Variants in TUBGCP4 observed in about 807,000 individuals in gnomAD.
TUBGCP4 encodes tubulin gamma complex component 4.
Under a neutral mutation model 91.6 loss-of-function variants are expected in TUBGCP4, and 54 were observed. The observed-to-expected ratio is 0.59, with a 90% CI of 0.47 to 0.74. The LOEUF is 0.74. Ranked by LOEUF, TUBGCP4 falls within the 30% of genes least tolerant of loss-of-function variation. The probability of loss-of-function intolerance (pLI) is 0.00; values close to 1 mark genes in which losing one functional copy is unlikely to be tolerated. For synonymous variants in TUBGCP4, 297 were observed against 302.8 expected (o/e 0.98, Z 0.20); for missense variants, 593 against 800.9 (o/e 0.74, Z 3.13).
chr15:43,389,996 G>A (rs1009799585), intron 9 of TUBGCP4, among the ~76,000 whole-genome samples: 1 of 152,016 alleles, frequency 6.6e-6, no homozygotes, highest in Admixed American at 6.6e-5. Context: ...CCACCCCCAT[G>A]ATTCAATCAC....
Position 43,383,384 on chromosome 15 carries a change from A to T in TUBGCP4, c.603A>T (p.Glu201Asp), listed in dbSNP as rs1324538298. 9 of 1,614,092 alleles carry T rather than the reference A, an allele frequency of 5.6e-6. No individual in the cohort carries two copies. Among genetic ancestry groups the T allele is most frequent in the Non-Finnish European group, 7.6e-6 (9 of 1,180,042 alleles). Residue 201 changes from glutamate to aspartate, a missense_variant, in exon 7 of 18, where the codon GAA becomes GAT. Physicochemically the swap from Glu to Asp is conservative, Grantham distance 45. Coordinates refer to ENST00000564079, the MANE Select transcript of TUBGCP4 (RefSeq NM_014444.5). ...MLHGLLLDQH[E>D]EFFIKQGPSS... ...ATGGACTCCTCTTGGACCAGCATGAAGAATTCTTTATCAAACAGGGGCCAT... is the reference window on the plus strand; with the variant it reads ...ATGGACTCCTCTTGGACCAGCATGATGAATTCTTTATCAAACAGGGGCCAT...
At chr15:43,375,604 A>G (rs910784346) in intron 1 of TUBGCP4, among the ~76,000 whole-genome samples, 1 of 152,236 alleles carries the variant, frequency 6.6e-6, no homozygotes, top group Non-Finnish European at 1.5e-5. Flanking sequence ...GCATTTACAG[A>G]TAATAGGTAT....
At chr15:43,395,036 T>C (rs370118131) in intron 9 of TUBGCP4, 71 bp from the exon 10 acceptor site, 2 of 1,533,418 alleles carry the variant, frequency 1.3e-6, no homozygotes, top group East Asian at 2.2e-5. Context: ...GCTGGATTTG[T>C]ATGGAACCAT....
In TUBGCP4 at chr15:43,386,725, CAAA is replaced by C. The variant is rs10718458; in HGVS notation, c.1014+417_1014+419del. ...GGGCAACAGAGCAAGACTCTGTCTC[CAAA>C]AAAAAAAAAAAAAAAAAAAAAGACA... On this transcript the variant is annotated intron_variant, in intron 9 of 17. Transcript: ENST00000564079. Among the ~76,000 whole-genome samples the C allele has an allele frequency of 2.1e-3, 142 of 67,022 alleles. 1 individual carries two copies. The highest frequency in any genetic ancestry group is 7.1e-3 in the African/African-American group (126 of 17,690). The allele number at this position is 67,022 out of a possible 152,430, so 44.0% of individuals were successfully genotyped here.
At chr15:43,398,442 T>C (rs1595497258) in intron 13 of TUBGCP4, 1 of 297,514 alleles carries the variant, frequency 3.4e-6, no homozygotes, top group Non-Finnish European at 6.2e-6. Context: ...TTTAACAATC[T>C]GTAAATCAAA....
rs774924452 is a variant in TUBGCP4 at position 43,405,246 on chromosome 15, C to T, written c.*32C>T. 3 of 1,613,012 alleles carry T rather than the reference C, an allele frequency of 1.9e-6. No homozygotes were observed. In the Admixed American group the frequency reaches 5.0e-5, roughly 27 times the overall value. On this transcript the variant is annotated 3_prime_UTR_variant, in exon 18 of 18. Transcript: ENST00000564079. Reference sequence around the variant, plus strand: ...CTGGCTCATAAATTGAAATAACAGCCACGTTCCCAAGGTTGTAACAGAAGA... The same window carrying T: ...CTGGCTCATAAATTGAAATAACAGCTACGTTCCCAAGGTTGTAACAGAAGA...
rs1049512009 is a variant in TUBGCP4, at chr15:43,405,872, TCTACTAAAA to T, written c.*659_*667del. On this transcript the variant is annotated 3_prime_UTR_variant, in exon 18 of 18. Coordinates refer to ENST00000564079, the MANE Select transcript of TUBGCP4 (RefSeq NM_014444.5). ...CTGACCAACATGATGAAACCTCGAT[TCTACTAAAA>T]ATACAAAAATTAGCCAGGTGTGGTG... 20 of 151,938 alleles carry T rather than the reference TCTACTAAAA, an allele frequency of 1.3e-4. No individual in the cohort carries two copies. Among genetic ancestry groups the T allele is most frequent in the Admixed American group, 9.8e-4 (15 of 15,236 alleles). 9.4% of individuals were successfully genotyped at this position (151,938 alleles called of 1,614,324 possible). A position where few individuals can be genotyped will look rare whatever the true frequency, so the allele number is the denominator to read the frequency against.
intron 1 of TUBGCP4, 41 bp downstream of exon 1, chr15:43,371,473 A>AG (rs1392589423): frequency 6.2e-7 from 1 of 1,604,450 alleles, no homozygotes; most frequent in African/African-American, 1.3e-5. Context: ...GGAGCGCAGG[A>AG]GGGGGGACCT....
In TUBGCP4 at chr15:43,408,525, T is replaced by C; in HGVS notation, c.*3311T>C. ...TAGGGTCCCCCTTCTCTTCCTTCTT[T>C]CTATGAATGATCTGTATTCCTTGCA... On this transcript the variant is annotated 3_prime_UTR_variant, in exon 18 of 18. Transcript: ENST00000564079. 1 of 276,916 alleles carries C rather than the reference T, an allele frequency of 3.6e-6. No homozygotes were observed. The highest frequency in any genetic ancestry group is 6.9e-6 in the Non-Finnish European group (1 of 144,172). The allele number at this position is 276,916 out of a possible 1,614,324, so 17.2% of individuals were successfully genotyped here. A position where few individuals can be genotyped will look rare whatever the true frequency, so the allele number is the denominator to read the frequency against.
In TUBGCP4 at chr15:43,407,557, C is replaced by T; in HGVS notation, c.*2343C>T. On this transcript the variant is annotated 3_prime_UTR_variant, in exon 18 of 18. Transcript: ENST00000564079. ...GGTCCGTCACCACCACATCAAATAC[C>T]CCTAAAGCAATATCTGCAAGGAGCA... 1 of 1,611,912 alleles carries T rather than the reference C, an allele frequency of 6.2e-7. No individual in the cohort carries two copies. The highest frequency in any genetic ancestry group is 8.5e-7 in the Non-Finnish European group (1 of 1,178,468).
At chr15:43,392,587 C>G (rs1417690291) in intron 9 of TUBGCP4, among the ~76,000 whole-genome samples, 1 of 152,082 alleles carries the variant, frequency 6.6e-6, no homozygotes, top group Admixed American at 6.6e-5. Flanking sequence ...CAACCTCTGC[C>G]TCCCGGGTTC....
chr15:43,377,791 A>AC, intron 4 of TUBGCP4, 56 bp from the exon 5 acceptor site: 1 of 1,393,488 alleles, frequency 7.2e-7, no homozygotes, highest in Non-Finnish European at 1.0e-6. Flanking sequence ...TCCCAAGTTG[A>AC]TTTTTTTTCC....
At position 43,407,248 on chromosome 15, in the gene TUBGCP4, T is replaced by G; in HGVS notation, c.*2034T>G. The G allele has an allele frequency of 1.4e-6, 1 of 717,356 alleles. No homozygotes were observed. The highest frequency in any genetic ancestry group is 2.3e-6 in the Non-Finnish European group (1 of 438,818). 44.4% of individuals were successfully genotyped at this position (717,356 alleles called of 1,614,324 possible). The stretch of plus-strand genomic sequence containing the variant: ...CCAAAGAGATTCAACATTTATTTTA[T>G]CATAAAAGTTCAGCAAATAAAACTA... On this transcript the variant is annotated 3_prime_UTR_variant, in exon 18 of 18. Transcript: ENST00000564079.
At chr15:43,393,466 T>G (rs2044517408) in intron 9 of TUBGCP4, among the ~76,000 whole-genome samples, 1 of 151,916 alleles carries the variant, frequency 6.6e-6, no homozygotes, top group Admixed American at 6.6e-5. Flanking sequence ...ATTATTATAC[T>G]TTAAGTTTTA....
At position 43,385,880 on chromosome 15, in the gene TUBGCP4, G is replaced by T. The variant is rs2044349353; in HGVS notation, c.813G>T (p.Arg271Ser). The T allele has an allele frequency of 6.2e-7, 1 of 1,613,878 alleles. No individual in the cohort carries two copies. Among genetic ancestry groups the T allele is most frequent in the Non-Finnish European group, 8.5e-7 (1 of 1,179,994 alleles). The change falls in exon 8 of 18, where the codon AGG (arginine) becomes AGT (serine). Residue 271 changes from arginine to serine, a missense_variant. Physicochemically the swap from Arg to Ser is moderately radical, Grantham distance 110. Coordinates refer to ENST00000564079, the MANE Select transcript of TUBGCP4 (RefSeq NM_014444.5). ...TTTTGCCATCCTACATTCCAGTGAG[G>T]GTTGCTGAAAAAATCCTATTTGTTG... ...VEILPSYIPV[R>S]VAEKILFVGE...
chr15:43,399,024 C>A, intron 13 of TUBGCP4: 1 of 595,030 alleles, frequency 1.7e-6, no homozygotes, highest in South Asian at 2.1e-5. Flanking sequence ...GAAATTTCTC[C>A]AGTTATCTAA....
At position 43,407,212 on chromosome 15, in the gene TUBGCP4, A is replaced by C; in HGVS notation, c.*1998A>C. The C allele has an allele frequency of 1.6e-6, 1 of 609,560 alleles. No homozygotes were observed. The highest frequency in any genetic ancestry group is 2.8e-5 in the East Asian group (1 of 35,850). The allele number at this position is 609,560 out of a possible 1,614,324, so 37.8% of individuals were successfully genotyped here. On this transcript the variant is annotated 3_prime_UTR_variant, in exon 18 of 18. Coordinates refer to ENST00000564079, the MANE Select transcript of TUBGCP4 (RefSeq NM_014444.5). ...TCAAAAAAACAGATGAAGAAATCCC[A>C]GTTACTACAACCAAAGAGATTCAAC... is the stretch of plus-strand genomic sequence containing the variant.
At chr15:43,398,326 C>T (rs2044615298) in intron 13 of TUBGCP4, 147 bp downstream of exon 13, 1 of 797,208 alleles carries the variant, frequency 1.3e-6, no homozygotes, top group Non-Finnish European at 1.9e-6. Flanking sequence ...CAGGAGGATC[C>T]CTTAAGCCCA....
chr15:43,403,951 G>C, intron 16 of TUBGCP4, 152 bp downstream of exon 16: 1 of 624,020 alleles, frequency 1.6e-6, no homozygotes, highest in South Asian at 1.9e-5. Context: ...GTTGGTATCA[G>C]TTGATTTTGA....
Sources: allele counts gnomAD v4.1 joint callset (sites outside exome capture counted in the v4.1 genomes callset), GRCh38; gene constraint gnomAD v4.1.1; transcripts MANE v1.5; gene names NCBI Gene and HGNC (gene_info 2026-07-23, HGNC 2026-07-21).